The following NEBL variants were observed in gnomAD, a reference collection of about 807,000 sequenced individuals.
The protein encoded by NEBL is LIM and SH3 protein 2.
Under a neutral mutation model 140.2 loss-of-function variants are expected in NEBL, and 122 were observed. That is an observed-to-expected ratio of 0.87 (90% CI 0.75 to 1.01). The LOEUF is 1.01. Among genes scored for constraint, NEBL ranks in the 50% least tolerant of loss-of-function variants. NEBL has a pLI of 0.00. For missense variants in NEBL, 1,365 were observed against 1,231.3 expected, an observed-to-expected ratio of 1.11 and a Z score of -1.62; for synonymous variants, 436 against 398.9, an observed-to-expected ratio of 1.09 and a Z score of -1.11.
At chr10:21,033,841 T>C (rs1833902036) in intron 2 of NEBL, among the ~76,000 whole-genome samples, 1 of 151,790 alleles carries the variant, frequency 6.6e-6, no homozygotes, top group Non-Finnish European at 1.5e-5. Context: ...GCTCTCAATA[T>C]AAAACTACAT....
At chr10:20,827,472 C>A (rs568051853) in intron 17 of NEBL, among the ~76,000 whole-genome samples, 1 of 152,340 alleles carries the variant, frequency 6.6e-6, no homozygotes, top group East Asian at 1.9e-4. Context: ...GAAGTCCTCA[C>A]ACTTACTAGA....
At chr10:20,884,641 A>G (rs1846313504) in intron 4 of NEBL, among the ~76,000 whole-genome samples, 1 of 152,258 alleles carries the variant, frequency 6.6e-6, no homozygotes, top group South Asian at 2.1e-4. Flanking sequence ...TATATTTTAT[A>G]TGACACAGGT....
intron 2 of NEBL, among the ~76,000 whole-genome samples, chr10:21,103,462 C>T (rs977948374): frequency 1.3e-5 from 2 of 152,152 alleles, no homozygotes; most frequent in Admixed American, 6.5e-5. Flanking sequence ...ATCCGCCCAC[C>T]TTGGCCTCCC....
At chr10:21,233,422 C>T (rs1440427284) in intron 3 of NEBL, among the ~76,000 whole-genome samples, 1 of 151,992 alleles carries the variant, frequency 6.6e-6, no homozygotes, top group African/African-American at 2.4e-5. Flanking sequence ...GGTCATCTGA[C>T]ATTTAGTACT....
At chr10:21,150,825 T>G (rs1840108110) in intron 2 of NEBL, among the ~76,000 whole-genome samples, 1 of 152,098 alleles carries the variant, frequency 6.6e-6, no homozygotes, top group Non-Finnish European at 1.5e-5. Flanking sequence ...GTGTCCAAAT[T>G]GTACAAGAAA....
intron 3 of NEBL, among the ~76,000 whole-genome samples, chr10:21,213,548 C>A (rs1841947698): frequency 6.6e-6 from 1 of 152,134 alleles, no homozygotes. Flanking sequence ...GGAGAAGACA[C>A]TAACTTTGCT....
At chr10:21,287,534 G>A (rs180843411) in intron 1 of NEBL, among the ~76,000 whole-genome samples, 18 of 152,074 alleles carry the variant, frequency 1.2e-4, no homozygotes, top group Non-Finnish European at 5.9e-5. Flanking sequence ...AGACTCCGTG[G>A]AAAAGAAAAA....
intron 3 of NEBL, among the ~76,000 whole-genome samples, chr10:21,018,951 C>T (rs748367552): frequency 6.6e-6 from 1 of 152,224 alleles, no homozygotes; most frequent in African/African-American, 2.4e-5. Context: ...TGCGTGAAGC[C>T]GGGAGGCAGA....
intron 3 of NEBL, among the ~76,000 whole-genome samples, chr10:21,018,795 C>A (rs762357139): frequency 6.6e-6 from 1 of 152,040 alleles, no homozygotes; most frequent in Non-Finnish European, 1.5e-5. Flanking sequence ...TTTGGGAGGC[C>A]GAGGCAGGTG....
rs761958260 is a variant in NEBL at position 20,826,558 on chromosome 10, A to G, written c.1777-19T>C. 1.9e-6 allele frequency: 3 copies of G among 1,561,000 alleles called. No individual in the cohort carries two copies. Among genetic ancestry groups the G allele is most frequent in the East Asian group, 4.5e-5 (2 of 44,512 alleles). Reference sequence around the variant, plus strand: ...AAAATACCTTTATTATAAGAAAAGGAAAAGAATAACTAAGCTTGTCAGAAT... The same window carrying G: ...AAAATACCTTTATTATAAGAAAAGGGAAAGAATAACTAAGCTTGTCAGAAT... On this transcript the variant is annotated intron_variant, in intron 17 of 27. Transcript: ENST00000377122.
intron 26 of NEBL, chr10:20,793,413 A>G: frequency 1.1e-6 from 1 of 923,780 alleles, no homozygotes; most frequent in South Asian, 5.0e-5. Context: ...GACTGAGGAC[A>G]GAGGAAGAAT....
At chr10:21,272,657 G>A (rs1009382963) in intron 1 of NEBL, among the ~76,000 whole-genome samples, 2 of 152,122 alleles carry the variant, frequency 1.3e-5, no homozygotes, top group Non-Finnish European at 2.9e-5. Flanking sequence ...ATAGCTGTGT[G>A]GCATTTGAGC....
At chr10:20,823,847 A>C (rs948519692) in intron 18 of NEBL, among the ~76,000 whole-genome samples, 2 of 152,086 alleles carry the variant, frequency 1.3e-5, no homozygotes. Context: ...AGGGAGATGG[A>C]AGGAAATGTA....
chr10:21,264,891 C>A (rs1044771302), intron 1 of NEBL, among the ~76,000 whole-genome samples: 2 of 151,584 alleles, frequency 1.3e-5, no homozygotes, highest in African/African-American at 4.8e-5. Flanking sequence ...CCTCACGTGA[C>A]AATAGGGGCA....
At chr10:21,052,091 A>T (rs1031444489) in intron 2 of NEBL, among the ~76,000 whole-genome samples, 5 of 150,024 alleles carry the variant, frequency 3.3e-5, no homozygotes, top group Non-Finnish European at 7.4e-5. Flanking sequence ...TAAAAAGTTT[A>T]AAAAAAAAAC....
intron 12 of NEBL, 58 bp from the exon 13 acceptor site, chr10:20,840,907 C>A: frequency 1.0e-6 from 1 of 965,892 alleles, no homozygotes. Flanking sequence ...ATTCAGTGTG[C>A]TATTCTACAT....
At position 20,785,876 on chromosome 10, in the gene NEBL, C is replaced by A; in HGVS notation, c.2916G>T (p.Glu972Asp). 2 of 1,614,020 alleles carry A rather than the reference C, an allele frequency of 1.2e-6. No homozygotes were observed. The highest frequency in any genetic ancestry group is 1.7e-4 in the Middle Eastern group (1 of 6,058). ...MYDYSAQDED[E>D]VSFRDGDYIV... The stretch of plus-strand genomic sequence containing the variant: ...TGTAGTCGCCGTCTCTAAAGGAGAC[C>A]TCGTCTTCATCCTGGGCACTGTAAT... Residue 972 changes from glutamate (E) to aspartate (D), a missense_variant, in exon 28 of 28, where the codon GAG becomes GAT. By Grantham distance (45) the Glu-to-Asp change is conservative (BLOSUM62 2). Transcript: ENST00000377122.
At chr10:20,853,836 G>A (rs1380508897) in intron 9 of NEBL, among the ~76,000 whole-genome samples, 1 of 152,114 alleles carries the variant, frequency 6.6e-6, no homozygotes, top group African/African-American at 2.4e-5. Context: ...ACAATAGGGT[G>A]ACCATAGTTA....
At chr10:20,844,112 T>C (rs1841668266) in intron 12 of NEBL, among the ~76,000 whole-genome samples, 1 of 152,154 alleles carries the variant, frequency 6.6e-6, no homozygotes, top group South Asian at 2.1e-4. Context: ...AGAAATTACA[T>C]GTCTATTTCA....
Sources: allele counts gnomAD v4.1 joint callset (sites outside exome capture counted in the v4.1 genomes callset), GRCh38; gene constraint gnomAD v4.1.1; transcripts MANE v1.5; gene names NCBI Gene and HGNC (gene_info 2026-07-23, HGNC 2026-07-21).